ZNF831: variants seen among roughly 807,000 people sequenced by gnomAD.
The protein encoded by ZNF831 is chromosome 20 open reading frame 174.
ZNF831 carries 59 observed loss-of-function variants against 95.8 expected under a neutral mutation model. That is an observed-to-expected ratio of 0.62 (90% CI 0.50 to 0.77). The LOEUF is 0.77. Among genes scored for constraint, ZNF831 ranks in the 30% least tolerant of loss-of-function variants. The probability of loss-of-function intolerance (pLI) is 0.00; values close to 1 mark genes in which losing one functional copy is unlikely to be tolerated. For missense variants in ZNF831, 2,205 were observed against 2,164.0 expected, an observed-to-expected ratio of 1.02 and a Z score of -0.38; for synonymous variants, 961 against 925.5, an observed-to-expected ratio of 1.04 and a Z score of -0.70.
At chr20:59,222,416 G>C (rs922336013) in intron 4 of ZNF831, among the ~76,000 whole-genome samples, 1 of 152,160 alleles carries the variant, frequency 6.6e-6, no homozygotes, top group Non-Finnish European at 1.5e-5. Context: ...ACAAAGCCCG[G>C]GCCCCCTCCG....
At chr20:59,126,028 A>C (rs1979161486) in intron 1 of ZNF831, among the ~76,000 whole-genome samples, 1 of 152,154 alleles carries the variant, frequency 6.6e-6, no homozygotes, top group Non-Finnish European at 1.5e-5. Context: ...TCCATCAACA[A>C]AGAGTTATTG....
At chr20:59,224,224 G>A (rs769444116) in intron 4 of ZNF831, among the ~76,000 whole-genome samples, 3 of 152,198 alleles carry the variant, frequency 2.0e-5, no homozygotes, top group Non-Finnish European at 4.4e-5. Context: ...ACAAGTGCGT[G>A]CTCTGCACGC....
intron 4 of ZNF831, among the ~76,000 whole-genome samples, chr20:59,250,851 T>TCA (rs1987849388): frequency 1.3e-5 from 2 of 151,106 alleles, no homozygotes; most frequent in African/African-American, 2.4e-5. Context: ...AAACAGAACA[T>TCA]CACAGCGAAA....
chr20:59,200,887 A>C (rs1984481500), intron 3 of ZNF831, among the ~76,000 whole-genome samples: 1 of 152,084 alleles, frequency 6.6e-6, no homozygotes, highest in Non-Finnish European at 1.5e-5. Context: ...TCACTTGTTG[A>C]TAGACATTTG....
intron 4 of ZNF831, among the ~76,000 whole-genome samples, chr20:59,231,447 T>C (rs1986716839): frequency 2.0e-5 from 3 of 152,176 alleles, no homozygotes; most frequent in Non-Finnish European, 4.4e-5. Flanking sequence ...CTTCAACCAT[T>C]AGTCTCTCGA....
At chr20:59,124,641 G>A (rs1484074643) in intron 1 of ZNF831, among the ~76,000 whole-genome samples, 1 of 152,212 alleles carries the variant, frequency 6.6e-6, no homozygotes, top group East Asian at 1.9e-4. Context: ...CACCACCCCA[G>A]CAAGGAGGAG....
rs1372339752 is a variant in ZNF831 at position 59,252,979 on chromosome 20, T to C, written c.4029T>C (p.Gly1343=). 1.2e-6 allele frequency: 2 copies of C among 1,613,518 alleles called. No individual in the cohort carries two copies. The highest frequency in any genetic ancestry group is 1.3e-5 in the African/African-American group (1 of 74,908). Residue 1343 remains glycine, a splice_region_variant and synonymous_variant, in exon 5 of 6, where the codon GGT becomes GGC. Coordinates refer to ENST00000371030, the MANE Select transcript of ZNF831 (RefSeq NM_178457.3). ...TPGQTSSEIA[G]LNLQEEPSCA... ...GTAAATGTGCCTCTCCCCTTGCAGG[T>C]CTGAATCTGCAAGAGGAGCCATCTT...
rs370670266 is a variant in ZNF831 at position 59,193,365 on chromosome 20, C to T, written c.2346C>T (p.Asp782=). The part of the protein sequence containing the change: ...DVEAPRPVWP[D]PKLEGGARGV... ...AGGCTCCCAGGCCAGTTTGGCCGGA[C>T]CCCAAGCTGGAAGGAGGTGCCCGAG... Residue 782 remains aspartate (D), a synonymous_variant, in exon 2 of 6, where the codon GAC becomes GAT. Coordinates refer to ENST00000371030, the MANE Select transcript of ZNF831 (RefSeq NM_178457.3). 27 of 1,609,276 alleles carry T rather than the reference C, an allele frequency of 1.7e-5. No homozygotes were observed. Among genetic ancestry groups the T allele is most frequent in the Non-Finnish European group, 2.2e-5 (26 of 1,177,606 alleles).
chr20:59,158,155 C>T (rs940307484), intron 2 of ZNF831, among the ~76,000 whole-genome samples: 6 of 152,176 alleles, frequency 3.9e-5, no homozygotes, highest in Admixed American at 6.5e-5. Flanking sequence ...GTTCCTCAGG[C>T]GCTTTCATTA....
chr20:59,245,046 A>G (rs1434284873), intron 4 of ZNF831, among the ~76,000 whole-genome samples: 1 of 152,228 alleles, frequency 6.6e-6, no homozygotes, highest in South Asian at 2.1e-4. Flanking sequence ...TCTCCCATCA[A>G]TATTTTTAAC....
At chr20:59,151,822 C>G (rs1313283992) in intron 2 of ZNF831, among the ~76,000 whole-genome samples, 1 of 152,188 alleles carries the variant, frequency 6.6e-6, no homozygotes, top group African/African-American at 2.4e-5. Flanking sequence ...CGAGGGAACG[C>G]TGAACCTTCG....
chr20:59,130,234 G>A (rs1247601088), intron 1 of ZNF831, among the ~76,000 whole-genome samples: 1 of 152,172 alleles, frequency 6.6e-6, no homozygotes, highest in African/African-American at 2.4e-5. Context: ...CTCTTGGGTG[G>A]GTGTCGTGAG....
chr20:59,186,661 C>T (rs1201484435), intron 1 of ZNF831, among the ~76,000 whole-genome samples: 1 of 152,196 alleles, frequency 6.6e-6, no homozygotes, highest in African/African-American at 2.4e-5. Flanking sequence ...AAGGTTGCAG[C>T]GTCTTGAGGT....
chr20:59,204,232 A>G (rs1269212270), intron 3 of ZNF831, among the ~76,000 whole-genome samples: 2 of 152,202 alleles, frequency 1.3e-5, no homozygotes, highest in East Asian at 3.8e-4. Flanking sequence ...TTCCTTATGG[A>G]GCGGATGTTT....
At chr20:59,141,333 T>G (rs1979672097) in intron 1 of ZNF831, among the ~76,000 whole-genome samples, 1 of 152,234 alleles carries the variant, frequency 6.6e-6, no homozygotes, top group African/African-American at 2.4e-5. Flanking sequence ...CTCTAAAAGT[T>G]TTATAGTTTT....
rs559717701 is a variant in ZNF831 at position 59,172,321 on chromosome 20, G to A, written c.-37+8114G>A. 2.3e-3 allele frequency among the ~76,000 whole-genome samples: 353 copies of A among 152,306 alleles called. 2 individuals carry two copies. Among genetic ancestry groups the A allele is most frequent in the Non-Finnish European group, 2.7e-3 (181 of 68,028 alleles). On this transcript the variant is annotated intron_variant, in intron 1 of 5. Transcript: ENST00000371030. ...GCACGCTCACCTTCTCTTTGGCAATGAAGTGATGCCACTTGGTCCTCTGCT... is the reference window on the plus strand; with the variant it reads ...GCACGCTCACCTTCTCTTTGGCAATAAAGTGATGCCACTTGGTCCTCTGCT...
At position 59,127,469 on chromosome 20, in the gene ZNF831, C is replaced by T. The variant is rs528715095; in HGVS notation, c.-1425+3964C>T. Among the ~76,000 whole-genome samples, 16 of 152,292 alleles carry T rather than the reference C, an allele frequency of 1.1e-4. 1 individual carries two copies. The highest frequency in any genetic ancestry group is 8.3e-4 in the South Asian group (4 of 4,824). On this transcript the variant is annotated intron_variant, in intron 1 of 7. Coordinates refer to the ZNF831 transcript ENST00000637017. ...TTCCCGTGGCCTCGAGGGCCTGCACCTTCCTGTTCCCAGCCAGCCCCACGG... is the reference window on the plus strand; with the variant it reads ...TTCCCGTGGCCTCGAGGGCCTGCACTTTCCTGTTCCCAGCCAGCCCCACGG...
At chr20:59,148,819 C>T (rs1980049703) in intron 2 of ZNF831, among the ~76,000 whole-genome samples, 2 of 151,520 alleles carry the variant, frequency 1.3e-5, no homozygotes, top group Admixed American at 6.6e-5. Flanking sequence ...TTCAGAGGTC[C>T]TGCAGCCTCC....
At chr20:59,129,289 G>A (rs540341856) in intron 1 of ZNF831, among the ~76,000 whole-genome samples, 20 of 152,122 alleles carry the variant, frequency 1.3e-4, no homozygotes, top group Middle Eastern at 3.4e-3. Flanking sequence ...GTTCTGTGCC[G>A]TTTTATCACC....
Sources: allele counts gnomAD v4.1 joint callset (sites outside exome capture counted in the v4.1 genomes callset), GRCh38; gene constraint gnomAD v4.1.1; transcripts MANE v1.5; gene names NCBI Gene and HGNC (gene_info 2026-07-23, HGNC 2026-07-21).